KLF12: variants seen among roughly 807,000 people sequenced by gnomAD.
KLF12 encodes the protein Krueppel-like factor 12.
In KLF12, 9 loss-of-function variants were observed where a neutral mutation model predicts 37.8. That is an observed-to-expected ratio of 0.24 (90% CI 0.14 to 0.42). The LOEUF (loss-of-function observed/expected upper bound fraction) is 0.42, where lower values mean the gene tolerates loss of function less well. KLF12 is among the 10% of genes least tolerant of loss of function. KLF12 has a pLI of 1.00. For synonymous variants in KLF12, 208 were observed against 202.1 expected (o/e 1.03, Z -0.25); for missense variants, 411 against 516.0 (o/e 0.80, Z 1.97).
chr13:73,728,321 T>C (rs1876818105), intron 6 of KLF12, among the ~76,000 whole-genome samples: 2 of 152,240 alleles, frequency 1.3e-5, no homozygotes, highest in Admixed American at 6.5e-5. Flanking sequence ...TCCTGTAACC[T>C]TGTTAAACTC....
intron 5 of KLF12, among the ~76,000 whole-genome samples, chr13:73,804,422 T>G (rs1882452482): frequency 6.6e-6 from 1 of 152,162 alleles, no homozygotes; most frequent in Admixed American, 6.5e-5. Context: ...TCAGCCAAAC[T>G]TCATTATACT....
intron 1 of KLF12, among the ~76,000 whole-genome samples, chr13:74,055,122 A>AT (rs1381081760): frequency 6.6e-6 from 1 of 152,208 alleles, no homozygotes; most frequent in Non-Finnish European, 1.5e-5. Context: ...TTTACCAAAT[A>AT]TTTTTAAAGC....
chr13:74,150,438 A>T, the KLF12 span, among the ~76,000 whole-genome samples: 68 of 152,198 alleles, frequency 4.5e-4, no homozygotes, highest in African/African-American at 1.6e-3. Flanking sequence ...CACAAATGTG[A>T]TGTCTTTTCC....
intron 3 of KLF12, among the ~76,000 whole-genome samples, chr13:73,864,451 T>G (rs544146571): frequency 1.3e-5 from 2 of 152,182 alleles, no homozygotes; most frequent in East Asian, 3.9e-4. Context: ...GAAAAAACAC[T>G]GGTCTATATC....
At chr13:73,824,900 T>A (rs1332555574) in intron 4 of KLF12, among the ~76,000 whole-genome samples, 2 of 152,078 alleles carry the variant, frequency 1.3e-5, no homozygotes, top group Non-Finnish European at 2.9e-5. Context: ...AAAACCCATC[T>A]CTACTAAAAA....
At chr13:73,875,008 G>A (rs1886636028) in intron 3 of KLF12, among the ~76,000 whole-genome samples, 1 of 151,904 alleles carries the variant, frequency 6.6e-6, no homozygotes, top group Non-Finnish European at 1.5e-5. Context: ...TTTGAGTATG[G>A]TTTACAATTA....
the KLF12 span, among the ~76,000 whole-genome samples, chr13:74,201,307 T>C: frequency 6.6e-6 from 1 of 152,212 alleles, no homozygotes. Context: ...CAGTCTGTAT[T>C]GGTCACATCC....
chr13:74,201,493 C>G, the KLF12 span, among the ~76,000 whole-genome samples: 1 of 152,146 alleles, frequency 6.6e-6, no homozygotes, highest in Non-Finnish European at 1.5e-5. Flanking sequence ...AAATTCATGT[C>G]TACTTATTCC....
At chr13:74,025,005 A>G (rs1434846220) in intron 1 of KLF12, among the ~76,000 whole-genome samples, 1 of 152,182 alleles carries the variant, frequency 6.6e-6, no homozygotes, top group Non-Finnish European at 1.5e-5. Flanking sequence ...GAGAAAAAAA[A>G]TCTCTTCTAT....
At chr13:74,128,178 G>T (rs17062186) in intron 1 of KLF12, among the ~76,000 whole-genome samples, 5 of 152,064 alleles carry the variant, frequency 3.3e-5, no homozygotes, top group Non-Finnish European at 7.3e-5. Context: ...TACCAGCTAC[G>T]TTGAAACTTT....
chr13:74,103,005 G>A (rs1044144483), intron 1 of KLF12, among the ~76,000 whole-genome samples: 3 of 152,064 alleles, frequency 2.0e-5, no homozygotes, highest in African/African-American at 7.2e-5. Flanking sequence ...TTTTGAGGGG[G>A]GCAGTAACAC....
chr13:74,176,520 G>C, the KLF12 span, among the ~76,000 whole-genome samples: 309 of 152,234 alleles, frequency 2.0e-3, 3 homozygotes, highest in Middle Eastern at 0.014. Flanking sequence ...TTCAGTGGGT[G>C]TTTTCTTCCC....
chr13:73,758,088 G>T (rs1879297953), intron 6 of KLF12, among the ~76,000 whole-genome samples: 2 of 151,792 alleles, frequency 1.3e-5, no homozygotes, highest in Non-Finnish European at 1.5e-5. Context: ...AGAGACAGGG[G>T]TTGGTCTTGC....
the KLF12 span, among the ~76,000 whole-genome samples, chr13:74,287,395 A>AGAGAGAGAGAG: frequency 4.3e-3 from 633 of 147,006 alleles, no homozygotes; most frequent in South Asian, 5.6e-3. Context: ...AGAGAGAGAG[A>AGAGAGAGAGAG]ATCCACCTCT....
intron 1 of KLF12, among the ~76,000 whole-genome samples, chr13:74,094,160 T>C (rs570510020): frequency 1.3e-5 from 2 of 152,280 alleles, no homozygotes; most frequent in Admixed American, 1.3e-4. Flanking sequence ...GTCATATACA[T>C]GCACAAATAT....
intron 5 of KLF12, among the ~76,000 whole-genome samples, chr13:73,785,667 C>A (rs546401806): frequency 6.6e-6 from 1 of 151,496 alleles, no homozygotes; most frequent in Non-Finnish European, 1.5e-5. Flanking sequence ...GCCATGTAAT[C>A]ATTGTTGACT....
intron 3 of KLF12, among the ~76,000 whole-genome samples, chr13:73,933,056 T>C (rs548766085): frequency 3.7e-4 from 56 of 152,302 alleles, no homozygotes; most frequent in Non-Finnish European, 7.2e-4. Context: ...TTGTGTGATC[T>C]TACATGCATA....
intron 1 of KLF12, among the ~76,000 whole-genome samples, chr13:74,072,872 A>T (rs1874353674): frequency 6.6e-6 from 1 of 152,148 alleles, no homozygotes; most frequent in African/African-American, 2.4e-5. Context: ...TAATATGACC[A>T]TTGATATGGT....
intron 3 of KLF12, among the ~76,000 whole-genome samples, chr13:73,890,227 G>A (rs1381712810): frequency 1.3e-5 from 2 of 151,908 alleles, no homozygotes; most frequent in Non-Finnish European, 2.9e-5. Context: ...AAGGAGCATG[G>A]ACTTTACAAG....
Sources: gnomAD v4.1 joint callset for allele counts (sites outside exome capture counted in the v4.1 genomes callset) on GRCh38, gnomAD v4.1.1 for gene constraint, MANE v1.5 for transcripts, NCBI Gene and HGNC (gene_info 2026-07-23, HGNC 2026-07-21) for gene names.